The following ABCA9 variants were observed in gnomAD, a reference collection of about 807,000 sequenced individuals.
ABCA9 encodes ATP binding cassette subfamily A member 9.
ABCA9 carries 183 observed loss-of-function variants against 205.3 expected under a neutral mutation model. The observed-to-expected ratio is 0.89, with a 90% CI of 0.79 to 1.01. ABCA9 has a LOEUF of 1.01. Among genes scored for constraint, ABCA9 ranks in the 50% least tolerant of loss-of-function variants. ABCA9 has a pLI of 0.00. For missense variants in ABCA9, 1,805 were observed against 1,912.4 expected, an observed-to-expected ratio of 0.94 and a Z score of 1.05; for synonymous variants, 651 against 683.3, an observed-to-expected ratio of 0.95 and a Z score of 0.74.
Position 69,020,509 on chromosome 17 carries a change from A to G in ABCA9, c.2479T>C (p.Ser827Pro). The G allele has an allele frequency of 6.2e-7, 1 of 1,614,140 alleles. No individual in the cohort carries two copies. The highest frequency in any genetic ancestry group is 8.5e-7 in the Non-Finnish European group (1 of 1,179,984). ...GTTTTCCTTGTTTCGTGGAAGGAAG[A>G]CAAAACTTGTTCCAGCTCAACAAGG... is the stretch of plus-strand genomic sequence containing the variant. ...GSLVELEQVL[S>P]SFHETRKTIS... Residue 827 changes from serine to proline, a missense_variant, in exon 19 of 39, where the codon TCT (serine) becomes CCT (proline). By Grantham distance (74) the Ser-to-Pro change is moderately conservative. Coordinates refer to ENST00000340001, the MANE Select transcript of ABCA9 (RefSeq NM_080283.4).
chr17:69,073,969 T>A, the ABCA9 span, among the ~76,000 whole-genome samples: 6 of 152,142 alleles, frequency 3.9e-5, no homozygotes, highest in African/African-American at 1.2e-4. Flanking sequence ...CCCAAAGCAT[T>A]AGGATTACAG....
At chr17:69,055,436 A>T (rs1443717051) in intron 1 of ABCA9, among the ~76,000 whole-genome samples, 1 of 152,190 alleles carries the variant, frequency 6.6e-6, no homozygotes, top group Non-Finnish European at 1.5e-5. Flanking sequence ...ATAAAGTGAG[A>T]AGTTACATAA....
intron 25 of ABCA9, among the ~76,000 whole-genome samples, chr17:69,000,985 T>A (rs1279005726): frequency 6.6e-6 from 1 of 151,972 alleles, no homozygotes; most frequent in Non-Finnish European, 1.5e-5. Flanking sequence ...CCTGAGACTT[T>A]GCTGAAGTTG....
intron 25 of ABCA9, among the ~76,000 whole-genome samples, chr17:69,003,213 C>T (rs992143812): frequency 5.9e-4 from 89 of 151,896 alleles, no homozygotes; most frequent in African/African-American, 1.2e-3. Flanking sequence ...TTCCTAGTCT[C>T]GATGGTCTTT....
intron 23 of ABCA9, among the ~76,000 whole-genome samples, chr17:69,009,127 C>T (rs904680099): frequency 2.6e-5 from 4 of 151,990 alleles, no homozygotes; most frequent in African/African-American, 7.3e-5. Flanking sequence ...ATATTGGTCA[C>T]GGGGCACTTA....
the ABCA9 span, among the ~76,000 whole-genome samples, chr17:69,067,947 G>A: frequency 6.6e-6 from 1 of 152,196 alleles, no homozygotes; most frequent in South Asian, 2.1e-4. Flanking sequence ...AACCTAAACA[G>A]AAACACTGGG....
At chr17:68,983,874 C>T in intron 35 of ABCA9, 25 bp from the exon 36 acceptor site, 1 of 1,613,834 alleles carries the variant, frequency 6.2e-7, no homozygotes, top group Non-Finnish European at 8.5e-7. Context: ...AGGATAAAGT[C>T]AAGCAAGAAA....
chr17:69,055,576 C>T (rs1294092064), intron 1 of ABCA9, among the ~76,000 whole-genome samples: 1 of 152,172 alleles, frequency 6.6e-6, no homozygotes, highest in Non-Finnish European at 1.5e-5. Context: ...GAGACTTCAT[C>T]ACCTCTCTTG....
chr17:69,017,697 G>T lies in ABCA9; in HGVS notation c.2860C>A (p.Pro954Thr). The T allele has an allele frequency of 6.2e-7, 1 of 1,613,220 alleles. No homozygotes were observed. ...AFGTRNGTDD[P>T]SYNGAIIVSG... ...ACAATGATAGCACCATTGTAAGATG[G>T]GTCATCTGTGCCATTTCTAGTTCCA... Residue 954 changes from proline to threonine, a missense_variant, in exon 21 of 39, where the codon CCA (proline) becomes ACA (threonine). Coordinates refer to ENST00000340001, the MANE Select transcript of ABCA9 (RefSeq NM_080283.4).
chr17:68,993,296 CA>C (rs574322495), intron 26 of ABCA9, among the ~76,000 whole-genome samples: 68 of 152,318 alleles, frequency 4.5e-4, no homozygotes, highest in African/African-American at 1.6e-3. Flanking sequence ...TTGTATGTAA[CA>C]CTGTGAGTCA....
intron 6 of ABCA9, among the ~76,000 whole-genome samples, chr17:69,041,182 A>G (rs1274076530): frequency 6.6e-6 from 1 of 152,192 alleles, no homozygotes; most frequent in Non-Finnish European, 1.5e-5. Flanking sequence ...GCTTATTTTT[A>G]AGGGCTAATT....
rs1371910489 is a variant in ABCA9 at position 68,993,041 on chromosome 17, T to G, written c.3599A>C (p.Glu1200Ala). ...SMDYLGASES[E>A]IVYLALLIPY... ...TATTAGCAGTGCCAGGTATACAATT[T>G]CAGATTCTGAAGCTCCTAAGTAATC... Residue 1200 changes from glutamate (E) to alanine (A), a missense_variant, in exon 27 of 39, where the codon GAA becomes GCA. Transcript: ENST00000340001. 6.2e-7 allele frequency: 1 copy of G among 1,613,782 alleles called. No individual in the cohort carries two copies. The highest frequency in any genetic ancestry group is 8.5e-7 in the Non-Finnish European group (1 of 1,179,842).
At chr17:69,070,153 T>C in the ABCA9 span, among the ~76,000 whole-genome samples, 1 of 152,122 alleles carries the variant, frequency 6.6e-6, no homozygotes, top group Non-Finnish European at 1.5e-5. Flanking sequence ...GAAATGTAAC[T>C]CTTCAGATAC....
At chr17:69,028,848 T>G (rs528503989) in intron 11 of ABCA9, among the ~76,000 whole-genome samples, 1 of 152,246 alleles carries the variant, frequency 6.6e-6, no homozygotes, top group South Asian at 2.1e-4. Context: ...CAATTAATTT[T>G]TTTGATAAAA....
intron 27 of ABCA9, 182 bp from the exon 28 acceptor site, chr17:68,992,448 G>A (rs2069482001): frequency 2.3e-6 from 1 of 441,498 alleles, no homozygotes; most frequent in Non-Finnish European, 4.1e-6. Flanking sequence ...CTGCTATTCA[G>A]AGAGAGCCTA....
intron 25 of ABCA9, among the ~76,000 whole-genome samples, chr17:68,997,522 TG>T (rs1359966116): frequency 6.6e-6 from 1 of 151,878 alleles, no homozygotes; most frequent in Non-Finnish European, 1.5e-5. Flanking sequence ...CTTTATTTCC[TG>T]GTTGTATTAA....
chr17:69,006,912 C>T (rs779421413), intron 25 of ABCA9, among the ~76,000 whole-genome samples: 1 of 152,074 alleles, frequency 6.6e-6, no homozygotes, highest in Non-Finnish European at 1.5e-5. Context: ...AGATATGTTG[C>T]GCTACTCTAG....
At chr17:69,049,260 C>A (rs748529241) in intron 3 of ABCA9, 23 bp downstream of exon 3, 1 of 1,548,304 alleles carries the variant, frequency 6.5e-7, no homozygotes, top group African/African-American at 1.4e-5. Context: ...AAGGAAATTA[C>A]TATGAACAAC....
At position 69,049,776 on chromosome 17, in the gene ABCA9, T is replaced by C. The variant is rs540724221; in HGVS notation, c.97-286A>G. ...GATAAAGCCTGTATTACTTTATGAATGGCCCAACAGTTTAGTCATGTTAAA... is the reference window on the plus strand; with the variant it reads ...GATAAAGCCTGTATTACTTTATGAACGGCCCAACAGTTTAGTCATGTTAAA... On this transcript the variant is annotated intron_variant, in intron 2 of 38. Transcript: ENST00000340001. Among the ~76,000 whole-genome samples the C allele has an allele frequency of 3.9e-4, 59 of 152,240 alleles. No individual in the cohort carries two copies. The South Asian group carries it at 9.8e-3, about 25-fold the overall frequency.
Sources: gnomAD v4.1 joint callset for allele counts (sites outside exome capture counted in the v4.1 genomes callset) on GRCh38, gnomAD v4.1.1 for gene constraint, MANE v1.5 for transcripts, NCBI Gene and HGNC (gene_info 2026-07-23, HGNC 2026-07-21) for gene names.